Variants in SH3GL2 observed in about 807,000 individuals in gnomAD.
The protein encoded by SH3GL2 is SH3 domain containing GRB2 like 2, endophilin A1, also known as endophilin-A1.
A neutral mutation model predicts 46.0 loss-of-function variants in SH3GL2; 24 were observed. The observed-to-expected ratio is 0.52, with a 90% CI of 0.38 to 0.73. The LOEUF (loss-of-function observed/expected upper bound fraction) is 0.73, where lower values mean the gene tolerates loss of function less well. SH3GL2 is among the 30% of genes least tolerant of loss of function. SH3GL2 has a pLI of 0.00. For missense variants in SH3GL2, 413 were observed against 424.2 expected (o/e 0.97, Z 0.23); for synonymous variants, 196 against 147.1 (o/e 1.33, Z -2.40).
At chr9:17,749,331 C>T (rs1358223051) in intron 2 of SH3GL2, among the ~76,000 whole-genome samples, 1 of 152,194 alleles carries the variant, frequency 6.6e-6, no homozygotes, top group African/African-American at 2.4e-5. Context: ...GTCTTTGACT[C>T]TTCTACTGCC....
rs534241115 is a variant in SH3GL2, at chr9:17,679,854, G to A, written c.46-67212G>A. 7.2e-4 allele frequency among the ~76,000 whole-genome samples: 109 copies of A among 152,248 alleles called. 1 individual carries two copies. The highest frequency in any genetic ancestry group is 2.3e-3 in the African/African-American group (96 of 41,542). The stretch of plus-strand genomic sequence containing the variant: ...TTAGCATGAAGGGCTGTTGAATTTT[G>A]TCAAAGGCCTTTTCTGCATCTCTTG... On this transcript the variant is annotated intron_variant, in intron 1 of 8. Transcript: ENST00000380607.
intron 1 of SH3GL2, among the ~76,000 whole-genome samples, chr9:17,668,445 G>T (rs1001127226): frequency 3.3e-5 from 5 of 152,066 alleles, no homozygotes; most frequent in Non-Finnish European, 7.4e-5. Context: ...TTATGGATTT[G>T]TCATTTGTCT....
intron 1 of SH3GL2, among the ~76,000 whole-genome samples, chr9:17,612,567 G>A (rs1267606596): frequency 6.6e-6 from 1 of 152,166 alleles, no homozygotes; most frequent in Non-Finnish European, 1.5e-5. Context: ...AGGAAGGGGT[G>A]CATGTGTGTA....
chr9:17,709,637 ATAT>A (rs757537501), intron 1 of SH3GL2, among the ~76,000 whole-genome samples: 17 of 145,732 alleles, frequency 1.2e-4, no homozygotes, highest in African/African-American at 2.5e-4. Context: ...ATTAACATAA[ATAT>A]TATATATGTG....
At chr9:17,789,173 A>G (rs1452546086) in intron 5 of SH3GL2, among the ~76,000 whole-genome samples, 2 of 152,158 alleles carry the variant, frequency 1.3e-5, no homozygotes, top group Non-Finnish European at 2.9e-5. Flanking sequence ...CCTATAATTT[A>G]TCTTTTATTC....
chr9:17,762,399 C>CAA (rs373498696), intron 3 of SH3GL2, among the ~76,000 whole-genome samples: 32 of 44,766 alleles, frequency 7.1e-4, no homozygotes, highest in African/African-American at 2.0e-3. Context: ...GACAAGTGAT[C>CAA]AAAAAAAAAA....
chr9:17,739,733 G>T (rs2118484914), intron 1 of SH3GL2, among the ~76,000 whole-genome samples: 1 of 152,252 alleles, frequency 6.6e-6, no homozygotes, highest in Middle Eastern at 3.4e-3. Context: ...ATCTTTCCAG[G>T]AAGGAGCTGA....
chr9:17,695,630 T>C (rs1203495166), intron 1 of SH3GL2, among the ~76,000 whole-genome samples: 1 of 152,116 alleles, frequency 6.6e-6, no homozygotes, highest in Admixed American at 6.6e-5. Flanking sequence ...TAAAAAGCCC[T>C]TTCTGTATTG....
intron 2 of SH3GL2, among the ~76,000 whole-genome samples, chr9:17,760,727 AG>A (rs1244939632): frequency 6.6e-6 from 1 of 152,198 alleles, no homozygotes; most frequent in African/African-American, 2.4e-5. Flanking sequence ...GGCGAATAGG[AG>A]GCCCACAGAT....
intron 1 of SH3GL2, among the ~76,000 whole-genome samples, chr9:17,595,338 G>A (rs1163701639): frequency 1.3e-5 from 2 of 152,222 alleles, no homozygotes; most frequent in African/African-American, 4.8e-5. Flanking sequence ...GAAAGAGCAA[G>A]TGGCCAAGAT....
intron 1 of SH3GL2, among the ~76,000 whole-genome samples, chr9:17,601,467 C>A (rs556932025): frequency 6.6e-6 from 1 of 152,144 alleles, no homozygotes; most frequent in Non-Finnish European, 1.5e-5. Context: ...TTGTGCGTGC[C>A]TCTGCAGTTT....
chr9:17,641,348 A>G (rs183759009), intron 1 of SH3GL2, among the ~76,000 whole-genome samples: 1 of 152,324 alleles, frequency 6.6e-6, no homozygotes, highest in Admixed American at 6.5e-5. Context: ...AAATGTTTGA[A>G]TTCAAATTAT....
At chr9:17,734,714 T>G (rs554653001) in intron 1 of SH3GL2, among the ~76,000 whole-genome samples, 1 of 152,182 alleles carries the variant, frequency 6.6e-6, no homozygotes, top group East Asian at 1.9e-4. Context: ...ACCACATAAT[T>G]ATATTATTTC....
chr9:17,773,781 G>C (rs1823562933), intron 3 of SH3GL2, among the ~76,000 whole-genome samples: 1 of 151,880 alleles, frequency 6.6e-6, no homozygotes, highest in South Asian at 2.1e-4. Context: ...GCTATTTGGA[G>C]TCCCTTGAGA....
chr9:17,651,874 C>G (rs986173010), intron 1 of SH3GL2, among the ~76,000 whole-genome samples: 1 of 152,004 alleles, frequency 6.6e-6, no homozygotes, highest in Non-Finnish European at 1.5e-5. Context: ...TTTATTCTGT[C>G]TTTAAACTGC....
chr9:17,640,726 T>A (rs1172010094), intron 1 of SH3GL2, among the ~76,000 whole-genome samples: 3 of 152,356 alleles, frequency 2.0e-5, no homozygotes, highest in Non-Finnish European at 4.4e-5. Flanking sequence ...TGTTTTGAAA[T>A]GTTTATTTGA....
intron 1 of SH3GL2, among the ~76,000 whole-genome samples, chr9:17,671,820 C>T (rs1476354215): frequency 2.6e-5 from 4 of 152,276 alleles, no homozygotes; most frequent in South Asian, 2.1e-4. Context: ...ATGACATCTT[C>T]GTTGCCTTGA....
chr9:17,678,616 G>A (rs1412288204), intron 1 of SH3GL2, among the ~76,000 whole-genome samples: 2 of 152,250 alleles, frequency 1.3e-5, no homozygotes, highest in Non-Finnish European at 2.9e-5. Flanking sequence ...CTTTTGCTGT[G>A]CAGAAGCTCT....
intron 1 of SH3GL2, among the ~76,000 whole-genome samples, chr9:17,737,440 C>A (rs1588287693): frequency 6.6e-6 from 1 of 152,024 alleles, no homozygotes; most frequent in African/African-American, 2.4e-5. Context: ...TTATCTGATT[C>A]CTAGTGTCCT....
Sources: allele counts gnomAD v4.1 joint callset (sites outside exome capture counted in the v4.1 genomes callset), GRCh38; gene constraint gnomAD v4.1.1; transcripts MANE v1.5; gene names NCBI Gene and HGNC (gene_info 2026-07-23, HGNC 2026-07-21).